Variants in SLC46A3 observed in about 807,000 individuals in gnomAD.
The protein encoded by SLC46A3 is solute carrier family 46 member 3.
A neutral mutation model predicts 38.5 loss-of-function variants in SLC46A3; 26 were observed. That is an observed-to-expected ratio of 0.68 (90% confidence interval 0.49 to 0.94). The LOEUF (loss-of-function observed/expected upper bound fraction) is 0.94. Ranked by LOEUF, SLC46A3 falls within the 40% of genes least tolerant of loss-of-function variation. The pLI is 0.00. For missense variants in SLC46A3, 510 were observed against 544.3 expected, an observed-to-expected ratio of 0.94 and a Z score of 0.63; for synonymous variants, 185 against 192.5, an observed-to-expected ratio of 0.96 and a Z score of 0.32.
In SLC46A3 at chr13:28,717,493, T is replaced by A. The variant is rs1365863618; in HGVS notation, c.189+317A>T. Among the ~76,000 whole-genome samples, 18 of 21,448 alleles carry A rather than the reference T, an allele frequency of 8.4e-4. No individual in the cohort carries two copies. In the South Asian group the frequency reaches 0.039, roughly 47 times the overall value. The allele number at this position is 21,448 out of a possible 152,430, so 14.1% of individuals were successfully genotyped here. ...CTGCCCCAATTTTCAGACTTTTTTT[T>A]TTTTTTTTTTTTTTTTTAGGACAAA... On this transcript the variant is annotated intron_variant, in intron 2 of 5. Transcript: ENST00000266943.
chr13:28,710,231 G>T (rs904713249), intron 4 of SLC46A3, among the ~76,000 whole-genome samples: 18 of 152,180 alleles, frequency 1.2e-4, no homozygotes, highest in South Asian at 2.1e-4. Flanking sequence ...TGCTCAGAAA[G>T]GGTCATTACA....
In SLC46A3 at chr13:28,701,280, G is replaced by A. The variant is rs760746047; in HGVS notation, c.*217C>T. On this transcript the variant is annotated 3_prime_UTR_variant, in exon 6 of 6. Coordinates refer to ENST00000266943, the MANE Select transcript of SLC46A3 (RefSeq NM_181785.4). ...GTATTTGAAATTTGTTCTGTGTATT[G>A]CAAGTATATTGCATGATACGCACAA... 85 of 1,409,012 alleles carry A rather than the reference G, an allele frequency of 6.0e-5. No individual in the cohort carries two copies. Among genetic ancestry groups the A allele is most frequent in the Non-Finnish European group, 7.5e-5 (81 of 1,085,242 alleles). The allele number at this position is 1,409,012 out of a possible 1,614,324, so 87.3% of individuals were successfully genotyped here.
intron 5 of SLC46A3, among the ~76,000 whole-genome samples, chr13:28,702,834 C>T (rs1478011412): frequency 6.6e-6 from 1 of 152,196 alleles, no homozygotes; most frequent in Admixed American, 6.5e-5. Flanking sequence ...CTTATAGGCA[C>T]TTTCCTCCCT....
intron 4 of SLC46A3, 28 bp from the exon 5 acceptor site, chr13:28,704,127 G>GAAA (rs34310301): frequency 1.2e-5 from 16 of 1,378,218 alleles, no homozygotes; most frequent in Middle Eastern, 2.1e-4. Context: ...AGAGAGAGAG[G>GAAA]AAAAAAAAAA....
At chr13:28,708,838 C>T (rs571459842) in intron 4 of SLC46A3, among the ~76,000 whole-genome samples, 12 of 152,064 alleles carry the variant, frequency 7.9e-5, no homozygotes, top group East Asian at 7.8e-4. Context: ...TGGATGAAGT[C>T]TAATCTATCA....
rs1885014875 is a variant in SLC46A3, at chr13:28,701,422, T to C, written c.*75A>G. On this transcript the variant is annotated 3_prime_UTR_variant, in exon 6 of 6. Transcript: ENST00000266943. Reference sequence around the variant, plus strand: ...TCTCAGTGAAGCACTGATTGTGGAATTCATTTATAGTCTTCAGAAGTCATG... The same window carrying C: ...TCTCAGTGAAGCACTGATTGTGGAACTCATTTATAGTCTTCAGAAGTCATG... The C allele has an allele frequency of 1.9e-5, 30 of 1,563,870 alleles. 1 individual carries two copies. In the South Asian group the frequency reaches 3.3e-4, roughly 17 times the overall value.
chr13:28,715,079 T>G (rs1163273771), intron 2 of SLC46A3, among the ~76,000 whole-genome samples: 5 of 152,192 alleles, frequency 3.3e-5, no homozygotes, highest in African/African-American at 1.2e-4. Context: ...TGGTGCCTCC[T>G]GGGAAACAAA....
chr13:28,704,091 A>G lies in SLC46A3; in HGVS notation c.1153T>C (p.Phe385Leu). ...GTTTCTAAGAAAGCAATACAAGCAA[A>G]CAGGGTACCTGTTTGGAGTAGGGAT... ...VVRSTEQGTL[F>L]ACIAFLETLG... Residue 385 changes from phenylalanine to leucine, a missense_variant, in exon 5 of 6, where the codon TTT (phenylalanine) becomes CTT (leucine). Coordinates refer to ENST00000266943, the MANE Select transcript of SLC46A3 (RefSeq NM_181785.4). 1 of 1,612,646 alleles carries G rather than the reference A, an allele frequency of 6.2e-7. No homozygotes were observed. The highest frequency in any genetic ancestry group is 1.1e-5 in the South Asian group (1 of 90,996).
chr13:28,709,488 A>G lies in SLC46A3; in HGVS notation c.1144+1272T>C, dbSNP rs76650955. Reference sequence around the variant, plus strand: ...TCACAGCACCGGGCTAACATATGACATTAAAGAAAGTGCCAATGTCTAATA... The same window carrying G: ...TCACAGCACCGGGCTAACATATGACGTTAAAGAAAGTGCCAATGTCTAATA... On this transcript the variant is annotated intron_variant, in intron 4 of 5. Transcript: ENST00000266943. 4.4e-3 allele frequency among the ~76,000 whole-genome samples: 670 copies of G among 152,356 alleles called. 5 individuals are homozygous for G. The highest frequency in any genetic ancestry group is 0.016 in the African/African-American group (647 of 41,568).
intron 4 of SLC46A3, among the ~76,000 whole-genome samples, chr13:28,704,916 T>C (rs942954445): frequency 1.3e-5 from 2 of 152,224 alleles, no homozygotes; most frequent in Non-Finnish European, 2.9e-5. Context: ...CTCAGCATTG[T>C]TCATGAAGTC....
rs1310774445 is a variant in SLC46A3 at position 28,701,268 on chromosome 13, G to A, written c.*229C>T. 2.3e-5 allele frequency: 32 copies of A among 1,399,978 alleles called. No individual in the cohort carries two copies. Among genetic ancestry groups the A allele is most frequent in the Non-Finnish European group, 2.8e-5 (30 of 1,080,542 alleles). 86.7% of individuals were successfully genotyped at this position (1,399,978 alleles called of 1,614,324 possible). On this transcript the variant is annotated 3_prime_UTR_variant, in exon 6 of 6. Coordinates refer to ENST00000266943, the MANE Select transcript of SLC46A3 (RefSeq NM_181785.4). Reference sequence around the variant, plus strand: ...TAAAAGTGAGGCGTATTTGAAATTTGTTCTGTGTATTGCAAGTATATTGCA... The same window carrying A: ...TAAAAGTGAGGCGTATTTGAAATTTATTCTGTGTATTGCAAGTATATTGCA...
Position 28,701,003 on chromosome 13 carries a change from G to C in SLC46A3, c.*494C>G. On this transcript the variant is annotated 3_prime_UTR_variant, in exon 6 of 6. Coordinates refer to ENST00000266943, the MANE Select transcript of SLC46A3 (RefSeq NM_181785.4). ...AGTATAGGTAAAATCATACATATTT[G>C]AAACTTATATCATTATTTTCCTACC... 1.3e-6 allele frequency: 2 copies of C among 1,524,208 alleles called. No homozygotes were observed. The highest frequency in any genetic ancestry group is 1.8e-6 in the Non-Finnish European group (2 of 1,134,022). The allele number at this position is 1,524,208 out of a possible 1,614,324, so 94.4% of individuals were successfully genotyped here.
At chr13:28,701,622 CA>C in intron 5 of SLC46A3, 41 bp from the exon 6 acceptor site, 1 of 1,571,218 alleles carries the variant, frequency 6.4e-7, no homozygotes. Context: ...GAGATTAAGA[CA>C]ATACATAAAT....
intron 2 of SLC46A3, among the ~76,000 whole-genome samples, chr13:28,714,301 C>T (rs1487190887): frequency 6.6e-6 from 1 of 151,816 alleles, no homozygotes; most frequent in Non-Finnish European, 1.5e-5. Flanking sequence ...AGGAGACTTA[C>T]ACTGTCTACA....
chr13:28,709,271 G>A (rs1333326254), intron 4 of SLC46A3, among the ~76,000 whole-genome samples: 4 of 147,966 alleles, frequency 2.7e-5, no homozygotes, highest in Non-Finnish European at 4.5e-5. Flanking sequence ...GCAGTGAGCC[G>A]AGATCACACC....
chr13:28,716,991 G>GA (rs10677564), intron 2 of SLC46A3, among the ~76,000 whole-genome samples: 3,310 of 146,886 alleles, frequency 0.023, 52 homozygotes, highest in Non-Finnish European at 0.03. Context: ...GGCATTGTAG[G>GA]AAAAAAAAAA....
Position 28,717,927 on chromosome 13 carries a change from TGTCAGTGGACCGGTCAAA to T in SLC46A3, c.54_71del (p.Leu19_Thr24del). Reference sequence around the variant, plus strand: ...ATATTCTCCGATAAACATATTGCGTTGTCAGTGGACCGGTCAAAGTCATAGCAAATGCACTAAGGAAAA... The same window carrying T: ...ATATTCTCCGATAAACATATTGCGTTGTCATAGCAAATGCACTAAGGAAAA... On this transcript the variant is annotated inframe_deletion, in exon 2 of 6. Transcript: ENST00000266943. The T allele has an allele frequency of 6.2e-7, 1 of 1,614,246 alleles. No individual in the cohort carries two copies. Among genetic ancestry groups the T allele is most frequent in the South Asian group, 1.1e-5 (1 of 91,090 alleles).
chr13:28,717,960 A>T lies in SLC46A3; in HGVS notation c.39T>A (p.Ser13Arg). The part of the protein sequence containing the change: ...ILFVEPAIFL[S>R]AFAMTLTGPL... ...GACCGGTCAAAGTCATAGCAAATGC[A>T]CTAAGGAAAATGGCAGGTTCTACAA... Residue 13 changes from serine (S) to arginine (R), a missense_variant, in exon 2 of 6, where the codon AGT becomes AGA. Physicochemically the swap from Ser to Arg is moderately radical, Grantham distance 110. Coordinates refer to ENST00000266943, the MANE Select transcript of SLC46A3 (RefSeq NM_181785.4). The T allele has an allele frequency of 1.2e-6, 2 of 1,613,798 alleles. No homozygotes were observed. Among genetic ancestry groups the T allele is most frequent in the Non-Finnish European group, 8.5e-7 (1 of 1,179,946 alleles).
chr13:28,717,760 C>CGGG (rs1885572869), intron 2 of SLC46A3, 50 bp downstream of exon 2: 1 of 1,558,676 alleles, frequency 6.4e-7, no homozygotes, highest in South Asian at 1.2e-5. Context: ...ACTCAAAGCC[C>CGGG]GGTATACATT....
Sources: gnomAD v4.1 joint callset for allele counts (sites outside exome capture counted in the v4.1 genomes callset) on GRCh38, gnomAD v4.1.1 for gene constraint, MANE v1.5 for transcripts, NCBI Gene and HGNC (gene_info 2026-07-23, HGNC 2026-07-21) for gene names.